B4GALT6: variants seen among roughly 807,000 people sequenced by gnomAD.
B4GALT6 encodes the protein beta-1,4-galactosyltransferase 6, also known as UDP-Gal:beta-GlcNAc beta-1,4-galactosyltransferase 6.
In B4GALT6, 14 loss-of-function variants were observed where a neutral mutation model predicts 46.3. That is an observed-to-expected ratio of 0.30 (90% confidence interval 0.20 to 0.47). B4GALT6 has a LOEUF of 0.47. B4GALT6 is among the 20% of genes least tolerant of loss of function. B4GALT6 has a pLI of 0.99. For missense variants in B4GALT6, 386 were observed against 480.1 expected, an observed-to-expected ratio of 0.80 and a Z score of 1.83; for synonymous variants, 168 against 162.0, an observed-to-expected ratio of 1.04 and a Z score of -0.28.
upstream of B4GALT6, among the ~76,000 whole-genome samples, chr18:31,685,290 G>C (rs2074533478): frequency 1.5e-5 from 2 of 129,478 alleles, no homozygotes; most frequent in Admixed American, 7.6e-5. Context: ...AGAGCAACCG[G>C]GCGACGCGCG....
the B4GALT6 span, among the ~76,000 whole-genome samples, chr18:31,721,659 G>A: frequency 2.0e-5 from 3 of 152,158 alleles, no homozygotes; most frequent in South Asian, 2.1e-4. Context: ...GAACAAAGAC[G>A]AAGGTTTCCC....
chr18:31,672,992 A>C (rs1484921245), intron 1 of B4GALT6, among the ~76,000 whole-genome samples: 1 of 152,226 alleles, frequency 6.6e-6, no homozygotes. Flanking sequence ...AGTTTCAGAA[A>C]AGGAAAATAA....
intron 3 of B4GALT6, among the ~76,000 whole-genome samples, chr18:31,652,615 A>C (rs1357013279): frequency 6.6e-6 from 1 of 152,074 alleles, no homozygotes; most frequent in Non-Finnish European, 1.5e-5. Context: ...CTTCAAACAA[A>C]ACGGCCCAAA....
intron 5 of B4GALT6, among the ~76,000 whole-genome samples, chr18:31,634,415 T>C (rs1041316352): frequency 1.3e-5 from 2 of 152,236 alleles, no homozygotes; most frequent in South Asian, 2.1e-4. Context: ...CTACCTTCTG[T>C]GACAGCACTG....
intron 1 of B4GALT6, among the ~76,000 whole-genome samples, chr18:31,677,617 T>C (rs2074428699): frequency 6.6e-6 from 1 of 152,274 alleles, no homozygotes; most frequent in East Asian, 1.9e-4. Flanking sequence ...CCTGAATCAC[T>C]GTATTACTTG....
chr18:31,668,328 G>C (rs928532343), intron 1 of B4GALT6, among the ~76,000 whole-genome samples: 3 of 152,076 alleles, frequency 2.0e-5, no homozygotes, highest in Non-Finnish European at 4.4e-5. Context: ...GGACAAAGCG[G>C]GGCAGAAGTT....
At chr18:31,708,731 TC>T in the B4GALT6 span, among the ~76,000 whole-genome samples, 2 of 152,112 alleles carry the variant, frequency 1.3e-5, no homozygotes, top group African/African-American at 4.8e-5. Context: ...AGTCTGAACT[TC>T]CCACTTCTCC....
chr18:31,645,269 A>G, intron 4 of B4GALT6, 86 bp downstream of exon 4: 1 of 1,539,966 alleles, frequency 6.5e-7, no homozygotes, highest in Non-Finnish European at 8.8e-7. Context: ...ACTTAAAGAC[A>G]TTTGTCTCTG....
intron 2 of B4GALT6, among the ~76,000 whole-genome samples, chr18:31,661,055 G>C (rs183046605): frequency 6.6e-6 from 1 of 152,198 alleles, no homozygotes; most frequent in South Asian, 2.1e-4. Flanking sequence ...AGATTAAGAC[G>C]GCTCTGCAAA....
intron 6 of B4GALT6, among the ~76,000 whole-genome samples, chr18:31,628,107 G>T (rs1481664556): frequency 6.6e-6 from 1 of 152,186 alleles, no homozygotes; most frequent in South Asian, 2.1e-4. Context: ...AGGGAAGACT[G>T]GTTCTTTCAT....
chr18:31,691,844 C>A, the B4GALT6 span, among the ~76,000 whole-genome samples: 1 of 152,080 alleles, frequency 6.6e-6, no homozygotes, highest in East Asian at 1.9e-4. Flanking sequence ...CTAAAATCCA[C>A]AAGTTTATGG....
the B4GALT6 span, among the ~76,000 whole-genome samples, chr18:31,701,207 TC>T: frequency 6.6e-6 from 1 of 152,192 alleles, no homozygotes; most frequent in African/African-American, 2.4e-5. Context: ...TAACACCATC[TC>T]CTTGGTGCTG....
At chr18:31,709,569 G>A in the B4GALT6 span, among the ~76,000 whole-genome samples, 2 of 129,528 alleles carry the variant, frequency 1.5e-5, no homozygotes, top group African/African-American at 6.3e-5. Context: ...GTGTGTGTGT[G>A]TGTGTGTGTG....
chr18:31,719,572 A>G, the B4GALT6 span, among the ~76,000 whole-genome samples: 56 of 152,172 alleles, frequency 3.7e-4, no homozygotes, highest in Non-Finnish European at 5.4e-4. Flanking sequence ...ATTTACCAAG[A>G]CAGGGGGATT....
chr18:31,676,459 A>G (rs1381391720), intron 1 of B4GALT6, among the ~76,000 whole-genome samples: 1 of 152,198 alleles, frequency 6.6e-6, no homozygotes, highest in Non-Finnish European at 1.5e-5. Context: ...CAATGTCTCT[A>G]ATAATTAAAA....
At chr18:31,668,437 C>A (rs964251984) in intron 1 of B4GALT6, among the ~76,000 whole-genome samples, 1 of 152,080 alleles carries the variant, frequency 6.6e-6, no homozygotes, top group Non-Finnish European at 1.5e-5. Context: ...AACAAAGTTG[C>A]ACATGTATGC....
chr18:31,636,885 A>C (rs1030910462), intron 5 of B4GALT6, among the ~76,000 whole-genome samples: 1 of 152,214 alleles, frequency 6.6e-6, no homozygotes, highest in African/African-American at 2.4e-5. Context: ...GCAGTGGCGC[A>C]ATCTTGGCTC....
chr18:31,710,427 G>A, the B4GALT6 span, among the ~76,000 whole-genome samples: 1 of 152,152 alleles, frequency 6.6e-6, no homozygotes, highest in Non-Finnish European at 1.5e-5. Context: ...GCAAAAAAAT[G>A]TCTTTAGAGA....
chr18:31,664,181 T>C (rs2074255589), intron 2 of B4GALT6, among the ~76,000 whole-genome samples: 3 of 96,714 alleles, frequency 3.1e-5, no homozygotes, highest in African/African-American at 1.2e-4. Flanking sequence ...TCTTAGACTA[T>C]GAGTTAACCA....
Sources: allele counts gnomAD v4.1 joint callset (sites outside exome capture counted in the v4.1 genomes callset), GRCh38; gene constraint gnomAD v4.1.1; transcripts MANE v1.5; gene names NCBI Gene and HGNC (gene_info 2026-07-23, HGNC 2026-07-21).